Variants in WDR13 observed in about 807,000 individuals in gnomAD.
WDR13 encodes the protein WD repeat-containing protein 13.
A neutral mutation model predicts 28.6 loss-of-function variants in WDR13; 1 was observed. That is an observed-to-expected ratio of 0.03 (90% CI 0.01 to 0.17). WDR13 has a LOEUF of 0.17. Ranked by LOEUF, WDR13 falls within the 10% of genes least tolerant of loss-of-function variation. WDR13 has a pLI of 1.00. For missense variants in WDR13, 264 were observed against 469.3 expected (o/e 0.56, Z 4.04); for synonymous variants, 201 against 185.9 (o/e 1.08, Z -0.66).
In WDR13 at chrX:48,600,428, C is replaced by T. The variant is rs375330976; in HGVS notation, c.633C>T (p.Arg211=). The change falls in exon 6 of 10, where the codon CGC becomes CGT. Residue 211 remains arginine (R), a synonymous_variant. Transcript: ENST00000376729. The part of the protein sequence containing the change: ...QLVPAPPTVL[R]VLRGHTRGVS... Reference sequence around the variant, plus strand: ...TGCCTGCCCCACCCACAGTGCTTCGCGTGCTACGGGGCCACACCCGTGGTG... The same window carrying T: ...TGCCTGCCCCACCCACAGTGCTTCGTGTGCTACGGGGCCACACCCGTGGTG... 2.5e-6 allele frequency: 3 copies of T among 1,212,287 alleles called. No individual in the cohort carries two copies. The highest frequency in any genetic ancestry group is 2.2e-6 in the Non-Finnish European group (2 of 895,696).
Position 48,598,921 on chromosome X carries a change from C to T in WDR13, c.246C>T (p.Ile82=), listed in dbSNP as rs1357142806. The change falls in exon 3 of 10, where the codon ATC becomes ATT. Residue 82 remains isoleucine (I), a synonymous_variant. Transcript: ENST00000376729. ...PGSARAYSNS[I]VRSSRTTLDR... ...GTGCTCGTGCCTATAGCAACAGCAT[C>T]GTCCGCAGTAGCCGCACTACTCTTG... 9 of 1,207,112 alleles carry T rather than the reference C, an allele frequency of 7.5e-6. No homozygotes were observed. Among genetic ancestry groups the T allele is most frequent in the Non-Finnish European group, 1.0e-5 (9 of 894,002 alleles).
intron 1 of WDR13, 157 bp downstream of exon 1, chrX:48,597,771 G>A: frequency 2.2e-6 from 1 of 463,836 alleles, no homozygotes. Flanking sequence ...CTGAATCGCT[G>A]TGTGTCACCC....
rs1264361676 is a variant in WDR13 at position 48,607,061 on chromosome X, C to G, written c.*2029C>G. 1 of 101,000 alleles carries G rather than the reference C, an allele frequency of 9.9e-6. No homozygotes were observed. Among genetic ancestry groups the G allele is most frequent in the Non-Finnish European group, 2.0e-5 (1 of 49,385 alleles). The allele number at this position is 101,000 out of a possible 1,213,427, so 8.3% of individuals were successfully genotyped here. On this transcript the variant is annotated 3_prime_UTR_variant, in exon 10 of 10. Coordinates refer to ENST00000376729, the MANE Select transcript of WDR13 (RefSeq NM_001347217.2). ...GTGTGTGTGTCATGGTCCTCAATAC[C>G]AGCCCCAAGCCCAGTGATTTGCTAG...
intron 9 of WDR13, 43 bp from the exon 10 acceptor site, chrX:48,604,805 A>G (rs2062211504): frequency 8.5e-7 from 1 of 1,181,037 alleles, no homozygotes; most frequent in Non-Finnish European, 1.1e-6. Context: ...CACCAGGGGC[A>G]CCCCAGGCGC....
At chrX:48,600,730 A>AC (rs781999353) in intron 6 of WDR13, 104 bp downstream of exon 6, 28 of 871,806 alleles carry the variant, frequency 3.2e-5, no homozygotes, top group South Asian at 9.6e-5. Flanking sequence ...GGGGCCTAGG[A>AC]CCCCCCCACC....
At chrX:48,597,730 C>T in intron 1 of WDR13, 116 bp downstream of exon 1, 2 of 351,222 alleles carry the variant, frequency 5.7e-6, no homozygotes, top group Non-Finnish European at 9.7e-6. Flanking sequence ...AGGGGCGTTG[C>T]TATGGCGACT....
Position 48,598,452 on chromosome X carries a change from T to C in WDR13, c.42-265T>C, listed in dbSNP as rs1602142807. On this transcript the variant is annotated intron_variant, in intron 2 of 9. Transcript: ENST00000376729. ...TACTGACCCTAATTATTGTCTGCGC[T>C]GACCCAGTCACCCCGTAGGGACCCC... 1.1e-5 allele frequency: 11 copies of C among 1,027,451 alleles called. No individual in the cohort carries two copies. The East Asian group carries it at 4.3e-4, about 40-fold the overall frequency. 84.7% of individuals were successfully genotyped at this position (1,027,451 alleles called of 1,213,427 possible).
In WDR13 at chrX:48,598,332, C is replaced by CTT. The variant is rs1169518783; in HGVS notation, c.41+306_41+307dup. On this transcript the variant is annotated intron_variant, in intron 2 of 9. Coordinates refer to ENST00000376729, the MANE Select transcript of WDR13 (RefSeq NM_001347217.2). ...CTATCCCCTATGGGTGTCCCCTAGA[C>CTT]TTTTTTTTTTTTACATCATCACTTC... 1.9e-4 allele frequency: 160 copies of CTT among 822,126 alleles called. No individual in the cohort carries two copies. The South Asian group carries it at 3.4e-3, about 17-fold the overall frequency. The allele number at this position is 822,126 out of a possible 1,213,427, so 67.8% of individuals were successfully genotyped here.
Position 48,605,141 on chromosome X carries a change from G to A in WDR13, c.*109G>A. The A allele has an allele frequency of 1.0e-6, 1 of 986,149 alleles. No individual in the cohort carries two copies. Among genetic ancestry groups the A allele is most frequent in the South Asian group, 2.3e-5 (1 of 42,582 alleles). The allele number at this position is 986,149 out of a possible 1,213,427, so 81.3% of individuals were successfully genotyped here. On this transcript the variant is annotated 3_prime_UTR_variant, in exon 10 of 10. Coordinates refer to ENST00000376729, the MANE Select transcript of WDR13 (RefSeq NM_001347217.2). ...TGAGGGCCGGCTCCCAGCTCTGCCGGGGACGGACAGGGCAGAGGGCAGCGG... is the reference window on the plus strand; with the variant it reads ...TGAGGGCCGGCTCCCAGCTCTGCCGAGGACGGACAGGGCAGAGGGCAGCGG...
In WDR13 at chrX:48,600,392, G is replaced by A. The variant is rs1556994031; in HGVS notation, c.597G>A (p.Leu199=). The A allele has an allele frequency of 8.3e-7, 1 of 1,211,081 alleles. No individual in the cohort carries two copies. Among genetic ancestry groups the A allele is most frequent in the Non-Finnish European group, 1.1e-6 (1 of 895,590 alleles). The change falls in exon 6 of 10, where the codon CTG becomes CTA. Residue 199 remains leucine, a synonymous_variant. Transcript: ENST00000376729. Reference sequence around the variant, plus strand: ...GCTCACTCGACGGCAGCATCTCCCTGTGCCAGCTGGTGCCTGCCCCACCCA... The same window carrying A: ...GCTCACTCGACGGCAGCATCTCCCTATGCCAGCTGGTGCCTGCCCCACCCA... ...ACCSLDGSIS[L]CQLVPAPPTV...
At chrX:48,600,746 C>T in intron 6 of WDR13, 120 bp downstream of exon 6, 1 of 849,163 alleles carries the variant, frequency 1.2e-6, no homozygotes, top group Non-Finnish European at 1.6e-6. Flanking sequence ...CCACCCCCCA[C>T]CCAATCTCGT....
At position 48,600,341 on chromosome X, in the gene WDR13, T is replaced by C. The variant is rs782392760; in HGVS notation, c.546T>C (p.Asn182=). The C allele has an allele frequency of 9.2e-6, 11 of 1,200,720 alleles. No individual in the cohort carries two copies. The highest frequency in any genetic ancestry group is 3.4e-6 in the Non-Finnish European group (3 of 892,395). The change falls in exon 6 of 10, where the codon AAT becomes AAC. Residue 182 remains asparagine, a synonymous_variant. Coordinates refer to ENST00000376729, the MANE Select transcript of WDR13 (RefSeq NM_001347217.2). ...CAGTCCCAAGGGTGCGCTTCGCCAA[T>C]GATGACCGACACCGCCTGGCCTGCT... The part of the protein sequence containing the change: ...DEAVPRVRFA[N]DDRHRLACCS...
rs781992321 is a variant in WDR13, at chrX:48,598,875, G to A, written c.200G>A (p.Gly67Glu). ...GGGCAGCTGCTGGGCCAGCGCTACG[G>A]GCCCCTCTCCGAGCCAGGCAGTGCT... ...LRGQLLGQRY[G>E]PLSEPGSARA... The change falls in exon 3 of 10, where the codon GGG (glycine) becomes GAG (glutamate). Residue 67 changes from glycine to glutamate, a missense_variant. By Grantham distance (98) the Gly-to-Glu change is moderately conservative. Around this residue, in one of 4 missense-constraint regions of WDR13, gnomAD observed 74 missense variants for 89.3 expected, o/e 0.83. Coordinates refer to ENST00000376729, the MANE Select transcript of WDR13 (RefSeq NM_001347217.2). 12 of 1,209,616 alleles carry A rather than the reference G, an allele frequency of 9.9e-6. No homozygotes were observed. Among genetic ancestry groups the A allele is most frequent in the Non-Finnish European group, 1.3e-5 (12 of 894,783 alleles).
chrX:48,598,544 G>C lies in WDR13; in HGVS notation c.42-173G>C, dbSNP rs782254504. ...CATGACCATGCTCATTATTACTGCA[G>C]ACTCACTCCCACCACAGGACCAAGA... On this transcript the variant is annotated intron_variant, in intron 2 of 9. Transcript: ENST00000376729. The C allele has an allele frequency of 1.3e-5, 14 of 1,070,484 alleles. No homozygotes were observed. The South Asian group carries it at 3.5e-4, about 27-fold the overall frequency. The allele number at this position is 1,070,484 out of a possible 1,213,427, so 88.2% of individuals were successfully genotyped here. A position where few individuals can be genotyped will look rare whatever the true frequency, so the allele number is the denominator to read the frequency against.
chrX:48,604,138 C>G, intron 8 of WDR13, 134 bp from the exon 9 acceptor site: 1 of 535,055 alleles, frequency 1.9e-6, no homozygotes, highest in Non-Finnish European at 2.9e-6. Context: ...GATCCTGTCT[C>G]AAAAACAAAA....
chrX:48,599,819 A>C, intron 5 of WDR13, 102 bp downstream of exon 5: 1 of 1,104,410 alleles, frequency 9.1e-7, no homozygotes, highest in Non-Finnish European at 1.2e-6. Context: ...GCACACTCCA[A>C]AGGAGGAATG....
chrX:48,604,656 C>T (rs1336461998), intron 9 of WDR13, among the ~76,000 whole-genome samples, 192 bp from the exon 10 acceptor site: 9 of 112,643 alleles, frequency 8.0e-5, no homozygotes, highest in African/African-American at 2.6e-4. Context: ...CCAGAGACCT[C>T]GCATTCTGCA....
intron 2 of WDR13, 108 bp downstream of exon 2, chrX:48,598,145 T>A: frequency 8.8e-7 from 1 of 1,141,106 alleles, no homozygotes; most frequent in South Asian, 2.1e-5. Context: ...TGCGTGGGCA[T>A]GCCGGAGGTG....
chrX:48,601,670 G>A, intron 6 of WDR13, 114 bp from the exon 7 acceptor site: 1 of 757,373 alleles, frequency 1.3e-6, no homozygotes, highest in Non-Finnish European at 1.8e-6. Context: ...CAGCCCTATT[G>A]TGAATAGACT....
Sources: gnomAD v4.1 joint callset for allele counts (sites outside exome capture counted in the v4.1 genomes callset) on GRCh38, gnomAD v4.1.1 for gene constraint, gnomAD v4.1.1 regional missense constraint, MANE v1.5 for transcripts, NCBI Gene and HGNC (gene_info 2026-07-23, HGNC 2026-07-21) for gene names.